The following ERICH3 variants were observed in gnomAD, a reference collection of about 807,000 sequenced individuals.
ERICH3 encodes glutamate rich 3.
A neutral mutation model predicts 131.1 loss-of-function variants in ERICH3; 126 were observed. The observed-to-expected ratio is 0.96, with a 90% CI of 0.83 to 1.11. The LOEUF (loss-of-function observed/expected upper bound fraction) is 1.11, where lower values mean the gene tolerates loss of function less well. Ranked by LOEUF, ERICH3 falls within the 50% of genes most tolerant of loss-of-function variation. ERICH3 has a pLI of 0.00. For missense variants in ERICH3, 2,050 were observed against 1,810.7 expected (o/e 1.13, Z -2.40); for synonymous variants, 695 against 644.6 (o/e 1.08, Z -1.18).
chr1:74,584,998 G>T (rs1647265112), intron 12 of ERICH3, among the ~76,000 whole-genome samples: 1 of 152,052 alleles, frequency 6.6e-6, no homozygotes, highest in Non-Finnish European at 1.5e-5. Context: ...AGTTCAAATT[G>T]CCTGGTCAAG....
intron 10 of ERICH3, among the ~76,000 whole-genome samples, chr1:74,606,396 C>A (rs1454134147): frequency 6.6e-6 from 1 of 151,886 alleles, no homozygotes; most frequent in Non-Finnish European, 1.5e-5. Context: ...GAACCTTTAA[C>A]CTTTCTGGGG....
chr1:74,594,689 A>C (rs1647766735), intron 11 of ERICH3, among the ~76,000 whole-genome samples: 1 of 152,118 alleles, frequency 6.6e-6, no homozygotes, highest in South Asian at 2.1e-4. Flanking sequence ...TCACTCTAAC[A>C]GTGACTGCTG....
intron 7 of ERICH3, chr1:74,621,613 A>G (rs1281085949): frequency 6.6e-6 from 1 of 152,216 alleles, no homozygotes; most frequent in Non-Finnish European, 1.5e-5. Flanking sequence ...TAAAATTACT[A>G]CAAAAACCTA....
At position 74,573,988 on chromosome 1, in the gene ERICH3, T is replaced by G. The variant is rs550232169; in HGVS notation, c.2219-497A>C. Among the ~76,000 whole-genome samples, 8 of 150,732 alleles carry G rather than the reference T, an allele frequency of 5.3e-5. No homozygotes were observed. The South Asian group carries it at 1.7e-3, about 31-fold the overall frequency. On this transcript the variant is annotated intron_variant, in intron 13 of 14. Transcript: ENST00000326665. ...AATTATTATTTTATTTGTCTCTTTT[T>G]CTCTCTTTTTTTTTTTTTTTCAGGC...
intron 1 of ERICH3, among the ~76,000 whole-genome samples, chr1:74,653,518 T>C (rs1570911053): frequency 1.3e-5 from 2 of 152,254 alleles, no homozygotes; most frequent in South Asian, 2.1e-4. Context: ...AGTATCTCCA[T>C]GTCAGGCACT....
rs1646911916 is a variant in ERICH3, at chr1:74,569,550, C to A, written c.*908G>T. On this transcript the variant is annotated 3_prime_UTR_variant, in exon 15 of 15. Coordinates refer to ENST00000326665, the MANE Select transcript of ERICH3 (RefSeq NM_001002912.5). The stretch of plus-strand genomic sequence containing the variant: ...TAACAGAACTTGGGAAGGTGAGCAG[C>A]ACACTCATTTAATCCAAGTTTCTTT... 6.6e-6 allele frequency: 1 copy of A among 152,148 alleles called. No homozygotes were observed. The highest frequency in any genetic ancestry group is 1.5e-5 in the Non-Finnish European group (1 of 68,028). 9.4% of individuals were successfully genotyped at this position (152,148 alleles called of 1,614,324 possible).
At position 74,641,359 on chromosome 1, in the gene ERICH3, T is replaced by A. The variant is rs180780655; in HGVS notation, c.416A>T (p.Asp139Val). 1 of 1,612,856 alleles carries A rather than the reference T, an allele frequency of 6.2e-7. No homozygotes were observed. The highest frequency in any genetic ancestry group is 8.5e-7 in the Non-Finnish European group (1 of 1,179,362). The change falls in exon 5 of 15, where the codon GAT becomes GTT. Residue 139 changes from aspartate to valine, a missense_variant. Asp to Val is a radical substitution (Grantham distance 152). Transcript: ENST00000326665. ...KSNRGHSVLV[D>V]EGHSSPLALT... ...TGCTAACGGACTGGAATGTCCTTCA[T>A]CAACCAGAACACTATGGCCACGATT... is the stretch of plus-strand genomic sequence containing the variant.
chr1:74,586,401 A>G (rs1647333774), intron 12 of ERICH3: 2 of 981,244 alleles, frequency 2.0e-6, no homozygotes, highest in African/African-American at 3.5e-5. Context: ...TTCTGTAATC[A>G]TGCACACACC....
intron 6 of ERICH3, among the ~76,000 whole-genome samples, chr1:74,634,411 C>A (rs1406612293): frequency 6.6e-6 from 1 of 152,030 alleles, no homozygotes; most frequent in Non-Finnish European, 1.5e-5. Flanking sequence ...TGACAGCTAC[C>A]ATTAGCTGCC....
intron 13 of ERICH3, among the ~76,000 whole-genome samples, chr1:74,575,933 T>A (rs558768650): frequency 3.3e-5 from 5 of 152,334 alleles, no homozygotes; most frequent in East Asian, 1.9e-4. Flanking sequence ...GACTTTTTTT[T>A]ATGGTAACCC....
chr1:74,644,247 T>C (rs947356464), intron 3 of ERICH3, among the ~76,000 whole-genome samples: 6 of 152,008 alleles, frequency 3.9e-5, no homozygotes, highest in Non-Finnish European at 8.8e-5. Context: ...TCTGATCTCC[T>C]ACCCACTTAT....
chr1:74,651,194 A>T (rs904327221), intron 1 of ERICH3, among the ~76,000 whole-genome samples: 1 of 152,164 alleles, frequency 6.6e-6, no homozygotes, highest in Non-Finnish European at 1.5e-5. Flanking sequence ...TGGAGATGAT[A>T]TAAGTGACTC....
intron 7 of ERICH3, among the ~76,000 whole-genome samples, chr1:74,627,554 C>T (rs1649459331): frequency 6.6e-6 from 1 of 152,094 alleles, no homozygotes; most frequent in South Asian, 2.1e-4. Flanking sequence ...GAATCAAACA[C>T]AATCCACCCC....
chr1:74,654,772 TC>T (rs1646569343), intron 1 of ERICH3, among the ~76,000 whole-genome samples: 1 of 152,088 alleles, frequency 6.6e-6, no homozygotes, highest in African/African-American at 2.4e-5. Context: ...GATATGATCA[TC>T]CCCATTTTGT....
intron 7 of ERICH3, among the ~76,000 whole-genome samples, chr1:74,628,860 A>G (rs1348205490): frequency 6.6e-6 from 1 of 152,182 alleles, no homozygotes; most frequent in Non-Finnish European, 1.5e-5. Context: ...TTAAAAACAG[A>G]ACTTGGCATA....
chr1:74,587,402 T>C (rs1647384778), intron 12 of ERICH3, among the ~76,000 whole-genome samples: 1 of 151,732 alleles, frequency 6.6e-6, no homozygotes, highest in Admixed American at 6.6e-5. Context: ...TGAATCCACC[T>C]TAATAAAAAG....
At position 74,589,708 on chromosome 1, in the gene ERICH3, T is replaced by A. The variant is rs765046970; in HGVS notation, c.2099A>T (p.Asp700Val). 3 of 1,613,990 alleles carry A rather than the reference T, an allele frequency of 1.9e-6. No individual in the cohort carries two copies. The highest frequency in any genetic ancestry group is 2.5e-6 in the Non-Finnish European group (3 of 1,179,976). Reference protein sequence around the residue: ...KHVSAEEKEKDKSKLWEESTA... With the variant: ...KHVSAEEKEKVKSKLWEESTA... ...GCTTTCTTCCCAAAGCTTACTCTTA[T>A]CCTTTTCCTTTTCTTCTGCAGAAAC... Residue 700 changes from aspartate (D) to valine (V), a missense_variant, in exon 12 of 15, where the codon GAT becomes GTT. Coordinates refer to ENST00000326665, the MANE Select transcript of ERICH3 (RefSeq NM_001002912.5).
chr1:74,670,526 T>C (rs766879809), intron 1 of ERICH3, among the ~76,000 whole-genome samples: 7 of 152,188 alleles, frequency 4.6e-5, no homozygotes, highest in Non-Finnish European at 1.0e-4. Context: ...TTCATGAACA[T>C]TTATCAGTTC....
chr1:74,589,535 C>T, intron 12 of ERICH3, 96 bp downstream of exon 12: 2 of 1,158,076 alleles, frequency 1.7e-6, no homozygotes, highest in Non-Finnish European at 2.5e-6. Flanking sequence ...AAAGCATTGT[C>T]ACAGTAGTAT....
Sources: gnomAD v4.1 joint callset for allele counts (sites outside exome capture counted in the v4.1 genomes callset) on GRCh38, gnomAD v4.1.1 for gene constraint, MANE v1.5 for transcripts, NCBI Gene and HGNC (gene_info 2026-07-23, HGNC 2026-07-21) for gene names.